Variants in ATP7A observed in about 807,000 individuals in gnomAD.
The protein encoded by ATP7A is copper-transporting ATPase 1.
Under a neutral mutation model 83.5 loss-of-function variants are expected in ATP7A, and 7 were observed. That is an observed-to-expected ratio of 0.08 (90% CI 0.05 to 0.16). The LOEUF (loss-of-function observed/expected upper bound fraction) is 0.16. Ranked by LOEUF, ATP7A falls within the 10% of genes least tolerant of loss-of-function variation. The pLI, the probability that ATP7A is intolerant of heterozygous loss-of-function variation, is 1.00. For synonymous variants in ATP7A, 354 were observed against 395.2 expected, an observed-to-expected ratio of 0.90 and a Z score of 1.24; for missense variants, 940 against 1,120.8, an observed-to-expected ratio of 0.84 and a Z score of 2.30.
rs782680675 is a variant in ATP7A at position 78,046,236 on chromosome X, G to C, written c.4227-58G>C. On this transcript the variant is annotated intron_variant, in intron 22 of 22. Transcript: ENST00000341514. ...AAATCTTCTTTCTTTTCTGCATGTAGCGAGCATCTCATTTACTTTTGGTTA... is the reference window on the plus strand; with the variant it reads ...AAATCTTCTTTCTTTTCTGCATGTACCGAGCATCTCATTTACTTTTGGTTA... The C allele has an allele frequency of 5.2e-6, 6 of 1,152,791 alleles. No individual in the cohort carries two copies. In the African/African-American group the frequency reaches 7.1e-5, roughly 14 times the overall value.
chrX:77,916,122 A>T (rs1371412488), intron 1 of ATP7A, among the ~76,000 whole-genome samples: 2 of 110,597 alleles, frequency 1.8e-5, no homozygotes, highest in Non-Finnish European at 3.8e-5. Context: ...TGGGAGGCTG[A>T]GGTGGGTAGA....
intron 19 of ATP7A, 46 bp from the exon 20 acceptor site, chrX:78,042,539 G>T (rs1557238557): frequency 8.7e-7 from 1 of 1,148,523 alleles, no homozygotes; most frequent in African/African-American, 1.8e-5. Context: ...TATGTTTCAC[G>T]TACTCATTAT....
At chrX:77,916,488 C>G (rs954528890) in intron 1 of ATP7A, among the ~76,000 whole-genome samples, 1 of 110,907 alleles carries the variant, frequency 9.0e-6, no homozygotes, top group African/African-American at 3.3e-5. Flanking sequence ...GCTGGCAAAT[C>G]AAATCACTGT....
Position 77,989,468 on chromosome X carries a change from C to T in ATP7A, c.846C>T (p.Ile282=), listed in dbSNP as rs782077124. Residue 282 remains isoleucine, a synonymous_variant, in exon 4 of 23, where the codon ATC becomes ATT. Transcript: ENST00000341514. ...CCAATGATTCAACAGCCACTTTCAT[C>T]ATTGATGGCATGCATTGTAAATCAT... ...SYTNDSTATF[I]IDGMHCKSCV... is the part of the protein sequence containing the mutation. The T allele has an allele frequency of 1.7e-6, 2 of 1,211,668 alleles. No homozygotes were observed. The highest frequency in any genetic ancestry group is 2.2e-6 in the Non-Finnish European group (2 of 895,410).
chrX:78,010,502 T>C (rs782614171), intron 7 of ATP7A, among the ~76,000 whole-genome samples: 1 of 110,795 alleles, frequency 9.0e-6, no homozygotes, highest in Admixed American at 9.7e-5. Flanking sequence ...TCATGTTCTT[T>C]TTCTGATAAA....
chrX:78,045,382 A>T (rs1557238968), intron 21 of ATP7A, 88 bp from the exon 22 acceptor site: 3 of 848,222 alleles, frequency 3.5e-6, no homozygotes, highest in Non-Finnish European at 5.2e-6. Flanking sequence ...GAAGTATCAA[A>T]CAAAGAAATG....
chrX:77,981,172 C>T lies in ATP7A; in HGVS notation c.121-7070C>T, dbSNP rs192158483. The stretch of plus-strand genomic sequence containing the variant: ...TGGGACTCTTTTTTTGGCTTCTTAG[C>T]TTTTTCTGGCAAATGACAGTGCATT... On this transcript the variant is annotated intron_variant, in intron 2 of 22. Transcript: ENST00000341514. Among the ~76,000 whole-genome samples the T allele has an allele frequency of 6.8e-3, 754 of 111,478 alleles. 7 individuals carry two copies. Among genetic ancestry groups the T allele is most frequent in the African/African-American group, 0.023 (696 of 30,696 alleles).
At chrX:77,947,366 T>C (rs1346633865) in intron 1 of ATP7A, among the ~76,000 whole-genome samples, 5 of 111,802 alleles carry the variant, frequency 4.5e-5, no homozygotes, top group Non-Finnish European at 1.9e-5. Flanking sequence ...ACAATATGCA[T>C]GTACTTAATT....
At chrX:77,983,666 T>G (rs1488848140) in intron 2 of ATP7A, among the ~76,000 whole-genome samples, 1 of 111,994 alleles carries the variant, frequency 8.9e-6, no homozygotes, top group African/African-American at 3.2e-5. Context: ...TGAGCTATAT[T>G]TATAATTTGT....
Position 78,050,023 on chromosome X carries a change from G to C in ATP7A, c.*3453G>C, listed in dbSNP as rs1211923760. ...TATTTTACAAAATAGAAAAAATATA[G>C]ATTCATGCCAAATTATTACCTATTT... On this transcript the variant is annotated 3_prime_UTR_variant, in exon 23 of 23. Transcript: ENST00000341514. 1 of 111,627 alleles carries C rather than the reference G, an allele frequency of 9.0e-6. No individual in the cohort carries two copies. Among genetic ancestry groups the C allele is most frequent in the East Asian group, 2.8e-4 (1 of 3,578 alleles). 9.2% of individuals were successfully genotyped at this position (111,627 alleles called of 1,213,427 possible).
intron 1 of ATP7A, among the ~76,000 whole-genome samples, chrX:77,952,181 G>A (rs1040170796): frequency 4.5e-5 from 5 of 112,272 alleles, no homozygotes; most frequent in African/African-American, 1.6e-4. Flanking sequence ...TTTTGGTGTA[G>A]ACATAAGTTT....
chrX:77,998,199 C>T (rs1462053122), intron 4 of ATP7A, among the ~76,000 whole-genome samples: 1 of 111,958 alleles, frequency 8.9e-6, no homozygotes, highest in Non-Finnish European at 1.9e-5. Flanking sequence ...ACAAACTACT[C>T]TGTCTCTCAG....
chrX:77,960,152 G>A (rs367596647), intron 1 of ATP7A, among the ~76,000 whole-genome samples: 2 of 112,268 alleles, frequency 1.8e-5, no homozygotes, highest in Non-Finnish European at 3.8e-5. Context: ...AGGTTGAGGC[G>A]GGTGGACCAC....
intron 4 of ATP7A, among the ~76,000 whole-genome samples, chrX:77,990,677 A>G (rs1366325852): frequency 8.9e-6 from 1 of 112,253 alleles, no homozygotes; most frequent in Admixed American, 9.5e-5. Context: ...TTGAACTGAA[A>G]CAAAAAATGT....
At chrX:77,980,308 C>T (rs1267958962) in intron 2 of ATP7A, among the ~76,000 whole-genome samples, 1 of 110,249 alleles carries the variant, frequency 9.1e-6, no homozygotes, top group African/African-American at 3.3e-5. Flanking sequence ...ATTAGTTGGG[C>T]GTGGTGTCGC....
chrX:78,037,471 C>T (rs1603390375), intron 17 of ATP7A, among the ~76,000 whole-genome samples: 1 of 111,625 alleles, frequency 9.0e-6, no homozygotes. Context: ...TCTTGGACTG[C>T]AGTGGTATAG....
At chrX:78,014,462 A>T (rs781879008) in intron 10 of ATP7A, among the ~76,000 whole-genome samples, 200 bp from the exon 11 acceptor site, 37 of 111,654 alleles carry the variant, frequency 3.3e-4, no homozygotes, top group Non-Finnish European at 6.4e-4. Flanking sequence ...GTCTTTCTGA[A>T]GTGAAACATT....
chrX:77,950,087 C>T (rs1179480625), intron 1 of ATP7A, among the ~76,000 whole-genome samples: 2 of 112,125 alleles, frequency 1.8e-5, no homozygotes, highest in African/African-American at 6.5e-5. Context: ...GCCAGGGCCA[C>T]TTCTGGCATC....
In ATP7A at chrX:77,950,016, G is replaced by C. The variant is rs560972174; in HGVS notation, c.-21-21605G>C. 4.0e-4 allele frequency among the ~76,000 whole-genome samples: 45 copies of C among 111,867 alleles called. 1 individual carries two copies. The Middle Eastern group carries it at 0.014, about 35-fold the overall frequency. ...CACAATGAGACTAAAACAGGCCAAGGACATGCCCCAGGAAGTCTAGTGAGG... is the reference window on the plus strand; with the variant it reads ...CACAATGAGACTAAAACAGGCCAAGCACATGCCCCAGGAAGTCTAGTGAGG... On this transcript the variant is annotated intron_variant, in intron 1 of 22. Coordinates refer to ENST00000341514, the MANE Select transcript of ATP7A (RefSeq NM_000052.7).
Sources: gnomAD v4.1 joint callset for allele counts (sites outside exome capture counted in the v4.1 genomes callset) on GRCh38, gnomAD v4.1.1 for gene constraint, MANE v1.5 for transcripts, NCBI Gene and HGNC (gene_info 2026-07-23, HGNC 2026-07-21) for gene names.